FCRL2: variants seen among roughly 807,000 people sequenced by gnomAD.
The protein encoded by FCRL2 is Fc receptor like 2, also known as Fc receptor-like protein 2.
A neutral mutation model predicts 59.8 loss-of-function variants in FCRL2; 48 were observed. The observed-to-expected ratio is 0.80, with a 90% CI of 0.64 to 1.02. The LOEUF (loss-of-function observed/expected upper bound fraction) is 1.02, where lower values mean the gene tolerates loss of function less well. FCRL2 is among the 50% of genes least tolerant of loss of function. The probability of loss-of-function intolerance (pLI) is 0.00; values close to 1 mark genes in which losing one functional copy is unlikely to be tolerated. For synonymous variants in FCRL2, 251 were observed against 229.5 expected (o/e 1.09, Z -0.85); for missense variants, 658 against 597.3 (o/e 1.10, Z -1.06).
intron 2 of FCRL2, among the ~76,000 whole-genome samples, chr1:157,773,105 T>TAC (rs1650151440): frequency 6.6e-6 from 1 of 152,216 alleles, no homozygotes; most frequent in Non-Finnish European, 1.5e-5. Flanking sequence ...AAGCCTGTAC[T>TAC]ACTTCCCCTC....
At chr1:157,765,502 C>T (rs1649423460) in intron 7 of FCRL2, among the ~76,000 whole-genome samples, 1 of 152,168 alleles carries the variant, frequency 6.6e-6, no homozygotes, top group Non-Finnish European at 1.5e-5. Context: ...AAGAAAACTA[C>T]TGGCCAATAT....
chr1:157,748,888 T>A lies in FCRL2; in HGVS notation c.1380A>T (p.Pro460=). The change falls in exon 9 of 12, where the codon CCA becomes CCT. Residue 460 remains proline (P), a synonymous_variant. Transcript: ENST00000361516. The part of the protein sequence containing the change: ...SPTPDMEELQ[P]VYVNVGSVDV... ...GGAGACACTCACCATTGACATACAC[T>A]GGCTGCAGCTCCTCCATGTCTGGGG... The A allele has an allele frequency of 1.2e-6, 2 of 1,613,724 alleles. No individual in the cohort carries two copies. Among genetic ancestry groups the A allele is most frequent in the Non-Finnish European group, 1.7e-6 (2 of 1,179,816 alleles).
intron 7 of FCRL2, among the ~76,000 whole-genome samples, chr1:157,762,614 T>C (rs1649185148): frequency 6.6e-6 from 1 of 152,014 alleles, no homozygotes; most frequent in African/African-American, 2.4e-5. Flanking sequence ...GCACATACAA[T>C]GCAAAAAGGT....
intron 7 of FCRL2, among the ~76,000 whole-genome samples, chr1:157,757,114 T>C (rs1234998711): frequency 6.6e-6 from 1 of 152,218 alleles, no homozygotes; most frequent in Non-Finnish European, 1.5e-5. Flanking sequence ...CTCTACCACT[T>C]GCATTTGGTT....
chr1:157,750,866 C>G (rs1375036274), intron 7 of FCRL2, among the ~76,000 whole-genome samples: 1 of 152,136 alleles, frequency 6.6e-6, no homozygotes, highest in Non-Finnish European at 1.5e-5. Context: ...TATCTAAGCA[C>G]TTTTGAATAA....
chr1:157,763,831 A>T (rs578261738), intron 7 of FCRL2, among the ~76,000 whole-genome samples: 1 of 151,916 alleles, frequency 6.6e-6, no homozygotes, highest in African/African-American at 2.4e-5. Context: ...GAGACAGAGA[A>T]CATCCTGGCC....
At chr1:157,771,760 A>C (rs935577626) in intron 2 of FCRL2, among the ~76,000 whole-genome samples, 2 of 152,180 alleles carry the variant, frequency 1.3e-5, no homozygotes, top group African/African-American at 4.8e-5. Context: ...TTCTGACCAC[A>C]AAGTAAGGAA....
At chr1:157,762,506 A>T (rs1649178584) in intron 7 of FCRL2, among the ~76,000 whole-genome samples, 1 of 152,236 alleles carries the variant, frequency 6.6e-6, no homozygotes, top group Non-Finnish European at 1.5e-5. Flanking sequence ...GACAGAATGA[A>T]AAGGTTAGAA....
intron 7 of FCRL2, among the ~76,000 whole-genome samples, chr1:157,756,157 C>T (rs1648572298): frequency 6.6e-6 from 1 of 152,166 alleles, no homozygotes; most frequent in Admixed American, 6.5e-5. Flanking sequence ...TAGGCAACAG[C>T]CACTGCCTTG....
chr1:157,775,009 CAG>C (rs1293275024), intron 2 of FCRL2, among the ~76,000 whole-genome samples: 2 of 152,100 alleles, frequency 1.3e-5, no homozygotes, highest in African/African-American at 4.8e-5. Context: ...AGATTTAACT[CAG>C]AAAGAGTGAA....
At chr1:157,767,969 C>T in intron 5 of FCRL2, 1 of 261,684 alleles carries the variant, frequency 3.8e-6, no homozygotes, top group East Asian at 7.8e-5. Flanking sequence ...GGCTACAACA[C>T]CAGGTAATTT....
chr1:157,766,172 T>C (rs1366545496), intron 7 of FCRL2, among the ~76,000 whole-genome samples: 2 of 152,118 alleles, frequency 1.3e-5, no homozygotes, highest in African/African-American at 4.8e-5. Flanking sequence ...AAGAGCACAT[T>C]AAATTGTTTG....
At position 157,748,949 on chromosome 1, in the gene FCRL2, C is replaced by T. The variant is rs754134740; in HGVS notation, c.1319G>A (p.Arg440Lys). The T allele has an allele frequency of 2.5e-6, 4 of 1,613,880 alleles. No individual in the cohort carries two copies. Among genetic ancestry groups the T allele is most frequent in the South Asian group, 2.2e-5 (2 of 91,046 alleles). Residue 440 changes from arginine (R) to lysine (K), a missense_variant, in exon 9 of 12, where the codon AGG becomes AAG. Arg to Lys is a conservative substitution (Grantham distance 26, BLOSUM62 2). Transcript: ENST00000361516. ...ATAGGTGAACTCTTGAGGATTTGGC[C>T]TGGAAGCCCCTCTGTGAGAAAGTGA... ...SATNEPRGAS[R>K]PNPQEFTYSS...
rs373545078 is a variant in FCRL2 at position 157,764,076 on chromosome 1, C to T, written c.1279+2779G>A. The stretch of plus-strand genomic sequence containing the variant: ...AAAAATAGCCGGGTGTGGTGGCACA[C>T]GCCTGTAGTCCCAGCTACTTGGGAG... On this transcript the variant is annotated intron_variant, in intron 7 of 11. Coordinates refer to ENST00000361516, the MANE Select transcript of FCRL2 (RefSeq NM_030764.4). Among the ~76,000 whole-genome samples, 309 of 149,284 alleles carry T rather than the reference C, an allele frequency of 2.1e-3. 1 individual carries two copies. Among genetic ancestry groups the T allele is most frequent in the African/African-American group, 7.0e-3 (283 of 40,428 alleles).
intron 7 of FCRL2, among the ~76,000 whole-genome samples, chr1:157,755,571 C>T (rs1002637042): frequency 2.6e-5 from 4 of 152,054 alleles, no homozygotes; most frequent in African/African-American, 4.8e-5. Context: ...GAAAAATTAT[C>T]GTAGCATTGT....
intron 1 of FCRL2, 110 bp downstream of exon 1, chr1:157,776,933 A>G: frequency 9.7e-7 from 1 of 1,036,004 alleles, no homozygotes; most frequent in Non-Finnish European, 1.5e-6. Flanking sequence ...TGCAGGCAGG[A>G]CCTGAGCATC....
chr1:157,748,722 C>G, intron 9 of FCRL2, 104 bp from the exon 10 acceptor site: 1 of 1,221,954 alleles, frequency 8.2e-7, no homozygotes, highest in Non-Finnish European at 1.2e-6. Flanking sequence ...TTCCTCTCAA[C>G]CCCAACATGA....
chr1:157,772,581 C>T (rs190876683), intron 2 of FCRL2, among the ~76,000 whole-genome samples: 44 of 152,270 alleles, frequency 2.9e-4, no homozygotes, highest in African/African-American at 1.0e-3. Context: ...CCAGGAGATA[C>T]TGATTGATTT....
chr1:157,760,698 GGAAAGAAAGAAAGAAAGAAAGAAAGAAA>G (rs1163684979), intron 7 of FCRL2, among the ~76,000 whole-genome samples: 1 of 97,288 alleles, frequency 1.0e-5, no homozygotes, highest in East Asian at 2.9e-4. Context: ...AAAGAAAGAA[GGAAAGAAAGAAAGAAAGAAAGAAAGAAA>G]GAAAGAAAGA....
Sources: gnomAD v4.1 joint callset for allele counts (sites outside exome capture counted in the v4.1 genomes callset) on GRCh38, gnomAD v4.1.1 for gene constraint, MANE v1.5 for transcripts, NCBI Gene and HGNC (gene_info 2026-07-23, HGNC 2026-07-21) for gene names.